Variants in CTXND2 observed in about 807,000 individuals in gnomAD.
The protein encoded by CTXND2 is cortexin domain containing 2.
At chr1:150,911,951 TA>T (rs1669263078) in intron 1 of CTXND2, among the ~76,000 whole-genome samples, 1 of 152,224 alleles carries the variant, frequency 6.6e-6, no homozygotes. Context: ...TTCAGATGTT[TA>T]AGACAGTTTT....
At chr1:150,906,972 A>AACCAGAGTAAGATCTAAACC (rs587677421) in intron 1 of CTXND2, among the ~76,000 whole-genome samples, 87 of 152,346 alleles carry the variant, frequency 5.7e-4, no homozygotes, top group African/African-American at 2.0e-3. Context: ...CACCAGATCT[A>AACCAGAGTAAGATCTAAACC]ACCAGAGTAA....
chr1:150,907,660 C>G (rs917495698), intron 1 of CTXND2, among the ~76,000 whole-genome samples: 31 of 150,566 alleles, frequency 2.1e-4, no homozygotes, highest in Non-Finnish European at 3.5e-4. Context: ...TTTCATTTCT[C>G]CTGGGGACAG....
chr1:150,891,492 C>T (rs1394466961), intron 1 of CTXND2, among the ~76,000 whole-genome samples: 14 of 152,294 alleles, frequency 9.2e-5, no homozygotes, highest in African/African-American at 2.2e-4. Flanking sequence ...GGATTACAGG[C>T]GTGAGCCACT....
chr1:150,890,795 G>A (rs912249747), intron 1 of CTXND2, among the ~76,000 whole-genome samples: 63 of 152,100 alleles, frequency 4.1e-4, no homozygotes, highest in African/African-American at 1.5e-3. Flanking sequence ...GAGCCACCGC[G>A]CCTGGCCCAA....
At chr1:150,893,421 C>A (rs1200136807) in intron 1 of CTXND2, among the ~76,000 whole-genome samples, 1 of 151,940 alleles carries the variant, frequency 6.6e-6, no homozygotes, top group East Asian at 1.9e-4. Flanking sequence ...AAAGGAAAAT[C>A]TTTCAACTGT....
At chr1:150,889,425 A>G (rs1239976819) in intron 1 of CTXND2, among the ~76,000 whole-genome samples, 5 of 151,386 alleles carry the variant, frequency 3.3e-5, no homozygotes, top group Non-Finnish European at 5.9e-5. Flanking sequence ...AGCAACTCCT[A>G]AAATAAATAA....
chr1:150,907,829 C>T (rs1359604632), intron 1 of CTXND2, among the ~76,000 whole-genome samples: 1 of 151,664 alleles, frequency 6.6e-6, no homozygotes, highest in Non-Finnish European at 1.5e-5. Context: ...CCTGCCTCAG[C>T]CTCCCGAGTA....
intron 1 of CTXND2, among the ~76,000 whole-genome samples, chr1:150,894,328 T>G (rs1668887814): frequency 6.6e-6 from 1 of 152,198 alleles, no homozygotes; most frequent in African/African-American, 2.4e-5. Context: ...AAGACTACAA[T>G]GGAAAAATAT....
At chr1:150,900,181 C>T (rs140263024) in intron 1 of CTXND2, among the ~76,000 whole-genome samples, 50 of 152,238 alleles carry the variant, frequency 3.3e-4, no homozygotes, top group African/African-American at 1.2e-3. Context: ...GTCTGCACTA[C>T]CTTTATGAGT....
At chr1:150,907,084 G>A (rs1669159383) in intron 1 of CTXND2, among the ~76,000 whole-genome samples, 1 of 152,154 alleles carries the variant, frequency 6.6e-6, no homozygotes, top group African/African-American at 2.4e-5. Context: ...CAATGCAGAA[G>A]AAGAAGCCTG....
intron 1 of CTXND2, among the ~76,000 whole-genome samples, chr1:150,905,430 G>A (rs1270540562): frequency 1.3e-5 from 2 of 152,024 alleles, no homozygotes; most frequent in Non-Finnish European, 2.9e-5. Context: ...ATAGGCATGA[G>A]CCGTGGCACC....
chr1:150,905,383 A>AC (rs1558001753), intron 1 of CTXND2, among the ~76,000 whole-genome samples: 1 of 151,292 alleles, frequency 6.6e-6, no homozygotes. Flanking sequence ...ACCTCAGGTG[A>AC]TCCCCCCCAA....
At position 150,903,759 on chromosome 1, in the gene CTXND2, T is replaced by C. The variant is rs1443630988; in HGVS notation, c.-73-8483T>C. ...GTTGCAGTGAGCAGAGATTGCGCCA[T>C]TTTTGCCCTCCAGCCTGAGCGACAG... On this transcript the variant is annotated intron_variant, in intron 1 of 1. Transcript: ENST00000636087. The C allele has an allele frequency of 4.4e-5, 15 of 344,290 alleles. No homozygotes were observed. In the Admixed American group the frequency reaches 4.7e-4, roughly 11 times the overall value. 21.3% of individuals were successfully genotyped at this position (344,290 alleles called of 1,614,324 possible).
intron 1 of CTXND2, among the ~76,000 whole-genome samples, chr1:150,892,612 C>T (rs587595291): frequency 5.3e-5 from 8 of 150,244 alleles, no homozygotes; most frequent in African/African-American, 2.0e-4. Context: ...GAACTCGGCT[C>T]ACTGCAGCCT....
At chr1:150,890,676 T>C (rs767314657) in intron 1 of CTXND2, among the ~76,000 whole-genome samples, 3 of 151,996 alleles carry the variant, frequency 2.0e-5, no homozygotes, top group Non-Finnish European at 4.4e-5. Flanking sequence ...GCTAATTTTG[T>C]ATTTTTAGTA....
At chr1:150,899,264 CA>C (rs1668960602) in intron 1 of CTXND2, among the ~76,000 whole-genome samples, 1 of 151,880 alleles carries the variant, frequency 6.6e-6, no homozygotes, top group African/African-American at 2.4e-5. Flanking sequence ...GCAAGACCCC[CA>C]TCTCTACAAA....
At chr1:150,898,989 T>C (rs1451749491) in intron 1 of CTXND2, among the ~76,000 whole-genome samples, 1 of 149,890 alleles carries the variant, frequency 6.7e-6, no homozygotes, top group East Asian at 1.9e-4. Context: ...TCCCAGCTAC[T>C]TGGGGGGCTG....
chr1:150,906,085 G>A (rs1051641343), intron 1 of CTXND2, among the ~76,000 whole-genome samples: 1 of 151,928 alleles, frequency 6.6e-6, no homozygotes, highest in African/African-American at 2.4e-5. Flanking sequence ...GGTTGCTTGA[G>A]CCCAGGAGTT....
chr1:150,899,744 G>A (rs1020790993), intron 1 of CTXND2, among the ~76,000 whole-genome samples: 11 of 152,124 alleles, frequency 7.2e-5, no homozygotes, highest in African/African-American at 2.4e-5. Context: ...GATTACTTGA[G>A]GTCAGGAGTT....
Sources: allele counts gnomAD v4.1 joint callset (sites outside exome capture counted in the v4.1 genomes callset), GRCh38; gene constraint gnomAD v4.1.1; transcripts MANE v1.5; gene names NCBI Gene and HGNC (gene_info 2026-07-23, HGNC 2026-07-21).